The following PARD3B variants were observed in gnomAD, a reference collection of about 807,000 sequenced individuals.
PARD3B encodes par-3 family cell polarity regulator beta.
PARD3B carries 103 observed loss-of-function variants against 130.2 expected under a neutral mutation model. The observed-to-expected ratio is 0.79, with a 90% CI of 0.67 to 0.93. The LOEUF is 0.93. PARD3B is among the 40% of genes least tolerant of loss of function. PARD3B has a pLI of 0.00. For synonymous variants in PARD3B, 583 were observed against 553.2 expected, an observed-to-expected ratio of 1.05 and a Z score of -0.76; for missense variants, 1,609 against 1,499.2, an observed-to-expected ratio of 1.07 and a Z score of -1.21.
chr2:205,003,178 C>A (rs1694986765), intron 3 of PARD3B, among the ~76,000 whole-genome samples: 2 of 152,326 alleles, frequency 1.3e-5, no homozygotes, highest in South Asian at 4.1e-4. Context: ...TCGACATTGA[C>A]TGCCTTTCCT....
chr2:204,729,998 A>AACACACACACACACACACAC (rs3036396), intron 2 of PARD3B, among the ~76,000 whole-genome samples: 1 of 141,366 alleles, frequency 7.1e-6, no homozygotes, highest in Non-Finnish European at 1.6e-5. Context: ...CACACACACA[A>AACACACACACACACACACAC]ACACACACAC....
intron 22 of PARD3B, among the ~76,000 whole-genome samples, chr2:205,570,164 T>G (rs536153859): frequency 6.6e-6 from 1 of 152,308 alleles, no homozygotes; most frequent in South Asian, 2.1e-4. Context: ...CATATCTAAA[T>G]TGACAGTGAT....
intron 2 of PARD3B, among the ~76,000 whole-genome samples, chr2:204,860,987 T>A (rs17681499): frequency 6.6e-6 from 1 of 152,178 alleles, no homozygotes; most frequent in African/African-American, 2.4e-5. Flanking sequence ...ATGCTATACA[T>A]AATTGAATCA....
rs2055441887 is a variant in PARD3B, at chr2:205,616,522, T to C, written c.*709T>C. On this transcript the variant is annotated 3_prime_UTR_variant, in exon 23 of 23. Transcript: ENST00000406610. Reference sequence around the variant, plus strand: ...AAATGCAGTATTAGTCCCGGGAGGATGTGCACAGCTGGTCAGAGCTTCCAG... The same window carrying C: ...AAATGCAGTATTAGTCCCGGGAGGACGTGCACAGCTGGTCAGAGCTTCCAG... 1.3e-5 allele frequency: 2 copies of C among 152,198 alleles called. No homozygotes were observed. Among genetic ancestry groups the C allele is most frequent in the Admixed American group, 1.3e-4 (2 of 15,272 alleles). 9.4% of individuals were successfully genotyped at this position (152,198 alleles called of 1,614,324 possible). A position where few individuals can be genotyped will look rare whatever the true frequency, so the allele number is the denominator to read the frequency against.
chr2:205,439,595 C>T (rs2047640575), intron 19 of PARD3B, among the ~76,000 whole-genome samples: 1 of 152,162 alleles, frequency 6.6e-6, no homozygotes, highest in Admixed American at 6.5e-5. Context: ...TGCTTCCATT[C>T]CCAGTAGACT....
intron 2 of PARD3B, among the ~76,000 whole-genome samples, chr2:204,946,268 G>A (rs1311297573): frequency 6.6e-6 from 1 of 152,106 alleles, no homozygotes; most frequent in African/African-American, 2.4e-5. Flanking sequence ...CGTGTCTCTT[G>A]GCTGTAGGAA....
rs1372663168 is a variant in PARD3B, at chr2:205,590,943, G to A, written c.3261-24513G>A. On this transcript the variant is annotated intron_variant, in intron 22 of 22. Transcript: ENST00000406610. The surrounding 1 kb of genome is among the most constrained non-coding windows in gnomAD (Gnocchi z 4.1). ...CATCCATCAGATAATCCCATATAAA[G>A]GAAAAAGACAAGAGAGACAAGAATT... Among the ~76,000 whole-genome samples, 1 of 152,024 alleles carries A rather than the reference G, an allele frequency of 6.6e-6. No homozygotes were observed. The highest frequency in any genetic ancestry group is 2.1e-4 in the South Asian group (1 of 4,814).
At chr2:204,844,689 A>G (rs1033180279) in intron 2 of PARD3B, among the ~76,000 whole-genome samples, 1 of 152,174 alleles carries the variant, frequency 6.6e-6, no homozygotes, top group South Asian at 2.1e-4. Context: ...ATGATAAAGC[A>G]TTGCTCCAGC....
chr2:205,549,256 C>G (rs2052512693), intron 21 of PARD3B, among the ~76,000 whole-genome samples: 1 of 152,162 alleles, frequency 6.6e-6, no homozygotes, highest in Non-Finnish European at 1.5e-5. Flanking sequence ...TAAACATAGT[C>G]TCACCATATG....
At chr2:204,948,971 T>C (rs1689552638) in intron 2 of PARD3B, among the ~76,000 whole-genome samples, 1 of 152,210 alleles carries the variant, frequency 6.6e-6, no homozygotes, top group Non-Finnish European at 1.5e-5. Flanking sequence ...ACTGGTTTTC[T>C]AGAGTACTTT....
At chr2:205,001,717 C>A (rs1384084300) in intron 3 of PARD3B, among the ~76,000 whole-genome samples, 1 of 152,182 alleles carries the variant, frequency 6.6e-6, no homozygotes, top group Non-Finnish European at 1.5e-5. Context: ...TGTGCTCCTC[C>A]CATGTGCCAG....
chr2:205,258,203 C>G lies in PARD3B; in HGVS notation c.2185+12381C>G, dbSNP rs1035257635. Among the ~76,000 whole-genome samples, 5 of 152,108 alleles carry G rather than the reference C, an allele frequency of 3.3e-5. No individual in the cohort carries two copies. Among genetic ancestry groups the G allele is most frequent in the Non-Finnish European group, 7.4e-5 (5 of 68,020 alleles). ...TCTCTTAAGCCCTGACATTTACCAG[C>G]AGGAAATCAGGTTGATCCCACAAGA... is the stretch of plus-strand genomic sequence containing the variant. On this transcript the variant is annotated intron_variant, in intron 16 of 22. Transcript: ENST00000406610. The surrounding 1 kb of genome is among the most constrained non-coding windows in gnomAD (Gnocchi z 4.9).
At chr2:205,025,227 G>A (rs529770848) in intron 3 of PARD3B, among the ~76,000 whole-genome samples, 1 of 152,156 alleles carries the variant, frequency 6.6e-6, no homozygotes, top group Non-Finnish European at 1.5e-5. Flanking sequence ...ACGGCTATTA[G>A]TCAGGAGTTT....
chr2:205,567,189 T>C (rs1230319817), intron 22 of PARD3B, among the ~76,000 whole-genome samples: 1 of 151,434 alleles, frequency 6.6e-6, no homozygotes, highest in African/African-American at 2.4e-5. Context: ...TGTATGTATG[T>C]ATAGAGAGAG....
chr2:204,566,340 G>A (rs1479856512), intron 1 of PARD3B, among the ~76,000 whole-genome samples: 1 of 152,212 alleles, frequency 6.6e-6, no homozygotes, highest in Admixed American at 6.5e-5. Flanking sequence ...GAGTTACTGT[G>A]TCATTAGGAA....
In PARD3B at chr2:205,104,488, T is replaced by C; in HGVS notation, c.567T>C (p.Thr189=). Residue 189 remains threonine, a synonymous_variant, in exon 5 of 23, where the codon ACT becomes ACC. Transcript: ENST00000406610. ...VLNGVQTELL[T]SPRTKDTLSD... ...ATGGTGTACAGACAGAACTACTAAC[T>C]TCGCCAAGAACTAAGGACACATTGA... 1 of 1,588,128 alleles carries C rather than the reference T, an allele frequency of 6.3e-7. No individual in the cohort carries two copies. The highest frequency in any genetic ancestry group is 1.3e-5 in the African/African-American group (1 of 74,498).
intron 3 of PARD3B, among the ~76,000 whole-genome samples, chr2:205,019,826 CAT>C (rs957136886): frequency 2.6e-5 from 4 of 152,102 alleles, no homozygotes; most frequent in African/African-American, 4.8e-5. Flanking sequence ...GGGATGGAAA[CAT>C]ATAAGTCAAA....
intron 1 of PARD3B, among the ~76,000 whole-genome samples, chr2:204,579,201 T>TGG (rs2032420514): frequency 1.3e-5 from 2 of 152,010 alleles, no homozygotes; most frequent in Admixed American, 1.3e-4. Flanking sequence ...AGTACTGCTC[T>TGG]GGGAAGGCAC....
intron 19 of PARD3B, among the ~76,000 whole-genome samples, chr2:205,411,391 A>G (rs1050199052): frequency 1.3e-5 from 2 of 152,156 alleles, no homozygotes; most frequent in Non-Finnish European, 2.9e-5. Context: ...AGAGAGATGC[A>G]TGGCCAAATG....
Sources: gnomAD v4.1 joint callset for allele counts (sites outside exome capture counted in the v4.1 genomes callset) on GRCh38, gnomAD v4.1.1 for gene constraint, Gnocchi (gnomAD v3.1) non-coding constraint, MANE v1.5 for transcripts, NCBI Gene and HGNC (gene_info 2026-07-23, HGNC 2026-07-21) for gene names.